SLC41A3: variants seen among roughly 807,000 people sequenced by gnomAD.
SLC41A3 encodes SLC41A1-like 2.
Under a neutral mutation model 45.4 loss-of-function variants are expected in SLC41A3, and 44 were observed. That is an observed-to-expected ratio of 0.97 (90% CI 0.76 to 1.25). The LOEUF is 1.25. Among genes scored for constraint, SLC41A3 ranks in the 50% most tolerant of loss-of-function variants. SLC41A3 has a pLI of 0.00. For missense variants in SLC41A3, 550 were observed against 600.6 expected, an observed-to-expected ratio of 0.92 and a Z score of 0.88; for synonymous variants, 256 against 252.4, an observed-to-expected ratio of 1.01 and a Z score of -0.13.
chr3:126,038,940 ATGAG>A (rs778735327), intron 3 of SLC41A3, among the ~76,000 whole-genome samples: 4 of 152,030 alleles, frequency 2.6e-5, no homozygotes, highest in Non-Finnish European at 5.9e-5. Flanking sequence ...CCTCATGGTA[ATGAG>A]TGAGTTCTTG....
intron 6 of SLC41A3, among the ~76,000 whole-genome samples, chr3:126,021,183 C>T (rs560481144): frequency 7.9e-5 from 12 of 152,274 alleles, no homozygotes; most frequent in East Asian, 3.9e-4. Flanking sequence ...CGTGAGCCAC[C>T]GCGCCTGGCC....
At chr3:126,036,041 G>A (rs1942163936) in intron 3 of SLC41A3, among the ~76,000 whole-genome samples, 1 of 152,280 alleles carries the variant, frequency 6.6e-6, no homozygotes, top group Non-Finnish European at 1.5e-5. Flanking sequence ...GTTTCACAGA[G>A]GCCCTTCCTC....
chr3:126,057,430 C>T (rs530274025), intron 2 of SLC41A3, among the ~76,000 whole-genome samples: 1 of 152,186 alleles, frequency 6.6e-6, no homozygotes, highest in South Asian at 2.1e-4. Context: ...GTGTCCTCTG[C>T]GCATTCCACA....
At chr3:126,064,792 CAG>C (rs772587197) in intron 2 of SLC41A3, among the ~76,000 whole-genome samples, 4 of 152,266 alleles carry the variant, frequency 2.6e-5, no homozygotes, top group Non-Finnish European at 5.9e-5. Context: ...AGTCCACCCA[CAG>C]AGCCCAGGAC....
chr3:126,057,077 A>C, intron 2 of SLC41A3: 1 of 994,652 alleles, frequency 1.0e-6, no homozygotes, highest in Non-Finnish European at 1.2e-6. Context: ...GGGCCTGGGG[A>C]GAGATCAGCA....
chr3:126,059,284 A>AAGAAAAGAAAG, intron 2 of SLC41A3, among the ~76,000 whole-genome samples: 2 of 124,694 alleles, frequency 1.6e-5, no homozygotes, highest in African/African-American at 3.0e-5. Context: ...GAAAGAAAGA[A>AAGAAAAGAAAG]AGAAAGAAAG....
intron 6 of SLC41A3, among the ~76,000 whole-genome samples, chr3:126,021,056 T>A (rs540673797): frequency 6.6e-6 from 1 of 152,008 alleles, no homozygotes; most frequent in East Asian, 1.9e-4. Flanking sequence ...CACCATGCCT[T>A]GCTAATTTTT....
At chr3:126,062,208 C>T (rs1944108184) in intron 2 of SLC41A3, among the ~76,000 whole-genome samples, 1 of 152,212 alleles carries the variant, frequency 6.6e-6, no homozygotes, top group African/African-American at 2.4e-5. Flanking sequence ...TGGATTACCA[C>T]CACCTTAATG....
At chr3:126,022,712 A>G (rs1940994497) in intron 6 of SLC41A3, 74 bp downstream of exon 6, 1 of 1,572,728 alleles carries the variant, frequency 6.4e-7, no homozygotes, top group African/African-American at 1.4e-5. Flanking sequence ...GTACCCACTC[A>G]GCCTCAGTGG....
chr3:126,074,606 AG>A (rs1281277674), intron 1 of SLC41A3, among the ~76,000 whole-genome samples: 2 of 152,046 alleles, frequency 1.3e-5, no homozygotes, highest in East Asian at 3.9e-4. Context: ...GTAGGACTGG[AG>A]GACGCAGGTC....
At chr3:126,053,447 G>C (rs918885759) in intron 2 of SLC41A3, among the ~76,000 whole-genome samples, 2 of 152,152 alleles carry the variant, frequency 1.3e-5, no homozygotes, top group African/African-American at 4.8e-5. Flanking sequence ...GGCAGTCCTA[G>C]CAAACTAATA....
intron 2 of SLC41A3, chr3:126,057,235 T>C: frequency 1.1e-6 from 1 of 922,954 alleles, no homozygotes; most frequent in Non-Finnish European, 1.3e-6. Flanking sequence ...CAGGAAGCTG[T>C]GTTCACAGAA....
chr3:126,016,979 C>T (rs1460259283), intron 6 of SLC41A3, 104 bp from the exon 7 acceptor site: 1 of 1,421,954 alleles, frequency 7.0e-7, no homozygotes, highest in Admixed American at 2.6e-5. Context: ...CGCTCCTGTC[C>T]TCATCAGTTG....
chr3:126,023,186 G>A, intron 5 of SLC41A3: 1 of 480,654 alleles, frequency 2.1e-6, no homozygotes, highest in Non-Finnish European at 3.7e-6. Flanking sequence ...CTGTGCACAT[G>A]ATGCTAAGGA....
chr3:126,007,143 G>A lies in SLC41A3; in HGVS notation c.1337C>T (p.Pro446Leu), dbSNP rs775433189. The part of the protein sequence containing the change: ...QALDPDNHCI[P>L]YLTGLGDLLG... Reference sequence around the variant, plus strand: ...CAGGTCCCCCAGCCCTGTAAGGTAGGGGATGCAGTGGTTGTCAGGATCCAG... The same window carrying A: ...CAGGTCCCCCAGCCCTGTAAGGTAGAGGATGCAGTGGTTGTCAGGATCCAG... The change falls in exon 11 of 11, where the codon CCC becomes CTC. Residue 446 changes from proline (P) to leucine (L), a missense_variant. Physicochemically the swap from Pro to Leu is moderately conservative, Grantham distance 98. Transcript: ENST00000360370. 2 of 1,614,116 alleles carry A rather than the reference G, an allele frequency of 1.2e-6. No homozygotes were observed. Among genetic ancestry groups the A allele is most frequent in the African/African-American group, 1.3e-5 (1 of 74,932 alleles).
At chr3:126,016,999 T>G (rs982778232) in intron 6 of SLC41A3, 124 bp from the exon 7 acceptor site, 1 of 1,194,734 alleles carries the variant, frequency 8.4e-7, no homozygotes, top group Non-Finnish European at 1.1e-6. Flanking sequence ...GAGGGGGAAC[T>G]GCCTTGCCAT....
intron 3 of SLC41A3, among the ~76,000 whole-genome samples, chr3:126,049,741 T>C: frequency 6.6e-6 from 1 of 152,194 alleles, no homozygotes. Context: ...GTAACAAACT[T>C]AGTGGCTTAA....
chr3:126,047,179 A>G (rs1435067284), intron 3 of SLC41A3, among the ~76,000 whole-genome samples: 5 of 152,144 alleles, frequency 3.3e-5, no homozygotes, highest in Admixed American at 1.3e-4. Context: ...CCTGGGCAAC[A>G]TGGTGAAACC....
At chr3:126,061,739 C>T (rs1204286451) in intron 2 of SLC41A3, among the ~76,000 whole-genome samples, 4 of 152,146 alleles carry the variant, frequency 2.6e-5, no homozygotes, top group Non-Finnish European at 5.9e-5. Context: ...ATGGGCCCAC[C>T]GTGACTGAGG....
Sources: gnomAD v4.1 joint callset for allele counts (sites outside exome capture counted in the v4.1 genomes callset) on GRCh38, gnomAD v4.1.1 for gene constraint, MANE v1.5 for transcripts, NCBI Gene and HGNC (gene_info 2026-07-23, HGNC 2026-07-21) for gene names.